Variants in CALN1 observed in about 807,000 individuals in gnomAD.
The protein encoded by CALN1 is calcium-binding protein 8.
In CALN1, 17 loss-of-function variants were observed where a neutral mutation model predicts 30.6. The observed-to-expected ratio is 0.56, with a 90% CI of 0.38 to 0.83. CALN1 has a LOEUF of 0.83. Among genes scored for constraint, CALN1 ranks in the 40% least tolerant of loss-of-function variants. The pLI, the probability that CALN1 is intolerant of heterozygous loss-of-function variation, is 0.00. For missense variants in CALN1, 291 were observed against 354.9 expected (o/e 0.82, Z 1.45); for synonymous variants, 156 against 131.4 (o/e 1.19, Z -1.28).
intron 2 of CALN1, among the ~76,000 whole-genome samples, chr7:72,305,028 G>A (rs1799554680): frequency 6.6e-6 from 1 of 152,196 alleles, no homozygotes; most frequent in Non-Finnish European, 1.5e-5. Context: ...CACGGCTACA[G>A]TGACCTGCAG....
rs141355390 is a variant in CALN1, at chr7:71,862,392, G to C, written c.502-51900C>G. ...TGAATCATGGAGGCAGGTCTTTCCC[G>C]TGCTGTTCTCATGATAGTGAATAAG... On this transcript the variant is annotated intron_variant, in intron 5 of 6. Transcript: ENST00000395275. Among the ~76,000 whole-genome samples the C allele has an allele frequency of 3.7e-3, 559 of 152,284 alleles. 1 individual carries two copies. Among genetic ancestry groups the C allele is most frequent in the African/African-American group, 0.012 (501 of 41,550 alleles).
chr7:71,945,732 C>T (rs1469880563), intron 5 of CALN1, among the ~76,000 whole-genome samples: 3 of 152,174 alleles, frequency 2.0e-5, no homozygotes, highest in Non-Finnish European at 4.4e-5. Context: ...GGAAAACAGG[C>T]TCAGGGCTTC....
rs769131382 is a variant in CALN1 at position 72,278,833 on chromosome 7, G to T, written c.120-23C>A. 9 of 1,592,532 alleles carry T rather than the reference G, an allele frequency of 5.7e-6. No individual in the cohort carries two copies. The South Asian group carries it at 8.8e-5, about 16-fold the overall frequency. On this transcript the variant is annotated intron_variant, in intron 2 of 6. Coordinates refer to ENST00000395275, the MANE Select transcript of CALN1 (RefSeq NM_031468.4). The stretch of plus-strand genomic sequence containing the variant: ...TCCCTGCCCAAGAGAGAACAGGGGA[G>T]GGGAAAAGAAAGACATCATCATTCA...
At chr7:71,950,052 G>A (rs1041175841) in intron 5 of CALN1, among the ~76,000 whole-genome samples, 20 of 152,102 alleles carry the variant, frequency 1.3e-4, no homozygotes, top group South Asian at 4.1e-4. Flanking sequence ...GTGAGCCACC[G>A]TGCCTGGCCA....
chr7:72,237,914 C>T (rs150021607), intron 3 of CALN1, among the ~76,000 whole-genome samples: 2 of 152,304 alleles, frequency 1.3e-5, no homozygotes, highest in African/African-American at 4.8e-5. Flanking sequence ...GCTCTTTCTG[C>T]CTGGCACTGT....
intron 2 of CALN1, among the ~76,000 whole-genome samples, chr7:72,402,415 T>C (rs2129562092): frequency 6.6e-6 from 1 of 152,262 alleles, no homozygotes; most frequent in Admixed American, 6.5e-5. Context: ...CCATATACAC[T>C]TACAGTCGCC....
chr7:72,171,574 A>G (rs1788963538), intron 3 of CALN1, among the ~76,000 whole-genome samples: 1 of 152,244 alleles, frequency 6.6e-6, no homozygotes, highest in South Asian at 2.1e-4. Context: ...GAAAACCTGT[A>G]TTATTTAGCC....
At position 72,156,692 on chromosome 7, in the gene CALN1, G is replaced by A. The variant is rs73701697; in HGVS notation, c.245-50398C>T. On this transcript the variant is annotated intron_variant, in intron 3 of 6. Coordinates refer to ENST00000395275, the MANE Select transcript of CALN1 (RefSeq NM_031468.4). ...TGCTCACCACCATCCAGACATAAGCGCCCTACTGGGGCAAAGTGTTCTGTT... is the reference window on the plus strand; with the variant it reads ...TGCTCACCACCATCCAGACATAAGCACCCTACTGGGGCAAAGTGTTCTGTT... 3.3e-3 allele frequency among the ~76,000 whole-genome samples: 500 copies of A among 152,308 alleles called. 2 individuals carry two copies. Among genetic ancestry groups the A allele is most frequent in the African/African-American group, 0.01 (424 of 41,574 alleles).
chr7:71,978,421 C>T (rs886794489), intron 5 of CALN1, among the ~76,000 whole-genome samples: 8 of 151,586 alleles, frequency 5.3e-5, no homozygotes, highest in Non-Finnish European at 1.2e-4. Flanking sequence ...ACAGGCACCC[C>T]CCCACCACGC....
At chr7:72,449,874 C>CCAA (rs1808626149), upstream of CALN1, among the ~76,000 whole-genome samples, 1 of 52,320 alleles carries the variant, frequency 1.9e-5, no homozygotes, top group Non-Finnish European at 4.1e-5. Flanking sequence ...GACTCCGTCT[C>CCAA]AAAAAAAAAA....
chr7:71,963,587 G>A (rs1797373132), intron 5 of CALN1, among the ~76,000 whole-genome samples: 1 of 152,160 alleles, frequency 6.6e-6, no homozygotes, highest in Non-Finnish European at 1.5e-5. Context: ...TTACAGGTAT[G>A]AGCCACCGTG....
At chr7:72,167,369 G>A (rs1179409425) in intron 3 of CALN1, among the ~76,000 whole-genome samples, 5 of 152,070 alleles carry the variant, frequency 3.3e-5, no homozygotes, top group Non-Finnish European at 7.4e-5. Context: ...TTTTGAGACA[G>A]CGTCTTTCTC....
intron 2 of CALN1, among the ~76,000 whole-genome samples, chr7:72,304,205 C>G (rs775344400): frequency 2.6e-5 from 4 of 152,202 alleles, no homozygotes; most frequent in Non-Finnish European, 5.9e-5. Flanking sequence ...AGCAATAAAG[C>G]TATTCAATTC....
intron 3 of CALN1, among the ~76,000 whole-genome samples, chr7:72,145,035 G>C (rs1786591923): frequency 6.6e-6 from 1 of 152,114 alleles, no homozygotes; most frequent in Non-Finnish European, 1.5e-5. Flanking sequence ...TTCTAAAAAT[G>C]ACACCCTAAC....
At chr7:72,186,258 C>G (rs186432972) in intron 3 of CALN1, among the ~76,000 whole-genome samples, 10 of 152,190 alleles carry the variant, frequency 6.6e-5, no homozygotes, top group Middle Eastern at 3.4e-3. Flanking sequence ...TTAAGCCGCT[C>G]AAATGGTGAC....
intron 3 of CALN1, among the ~76,000 whole-genome samples, chr7:72,272,908 G>A (rs1797089367): frequency 6.6e-6 from 1 of 152,118 alleles, no homozygotes; most frequent in South Asian, 2.1e-4. Context: ...CAGCACAGGT[G>A]AAAGCCAAAA....
the CALN1 span, among the ~76,000 whole-genome samples, chr7:72,493,688 A>G: frequency 6.6e-6 from 1 of 152,320 alleles, no homozygotes; most frequent in Admixed American, 6.5e-5. Context: ...TAGATCTTGA[A>G]GCCCTTCTGA....
chr7:72,117,907 G>A (rs1360306331), intron 3 of CALN1, among the ~76,000 whole-genome samples: 3 of 149,742 alleles, frequency 2.0e-5, no homozygotes, highest in East Asian at 2.0e-4. Context: ...GCAGTGAGCC[G>A]AGATTGCGCC....
intron 4 of CALN1, among the ~76,000 whole-genome samples, chr7:72,052,757 CAG>C (rs1802916952): frequency 6.6e-6 from 1 of 152,224 alleles, no homozygotes; most frequent in African/African-American, 2.4e-5. Flanking sequence ...TCTCAGTGAC[CAG>C]AGACAGGGTG....
Sources: gnomAD v4.1 joint callset for allele counts (sites outside exome capture counted in the v4.1 genomes callset) on GRCh38, gnomAD v4.1.1 for gene constraint, MANE v1.5 for transcripts, NCBI Gene and HGNC (gene_info 2026-07-23, HGNC 2026-07-21) for gene names.